The following COL5A2 variants were observed in gnomAD, a reference collection of about 807,000 sequenced individuals.
COL5A2 encodes the protein collagen type V alpha 2 chain, also known as collagen alpha-2(V) chain.
COL5A2 carries 23 observed loss-of-function variants against 208.2 expected under a neutral mutation model. That is an observed-to-expected ratio of 0.11 (90% confidence interval 0.08 to 0.16). The LOEUF is 0.16. COL5A2 is among the 10% of genes least tolerant of loss of function. The pLI is 1.00. For missense variants in COL5A2, 1,590 were observed against 1,956.4 expected (o/e 0.81, Z 3.53); for synonymous variants, 625 against 628.5 (o/e 0.99, Z 0.08).
At chr2:189,189,366 C>T (rs1425284544) in intron 1 of COL5A2, among the ~76,000 whole-genome samples, 1 of 152,232 alleles carries the variant, frequency 6.6e-6, no homozygotes, top group South Asian at 2.1e-4. Context: ...TATGTAAGTA[C>T]TTTAATAAAC....
chr2:189,099,986 A>G, intron 4 of COL5A2, 121 bp downstream of exon 4: 1 of 829,902 alleles, frequency 1.2e-6, no homozygotes, highest in Non-Finnish European at 2.0e-6. Context: ...TTATACTAAA[A>G]ACTTGTTTTT....
chr2:189,396,990 CAAAA>C, the COL5A2 span, among the ~76,000 whole-genome samples: 3 of 95,794 alleles, frequency 3.1e-5, no homozygotes, highest in Admixed American at 1.1e-4. Flanking sequence ...GACTCCGTCT[CAAAA>C]AAAAAAAAAA....
intron 1 of COL5A2, among the ~76,000 whole-genome samples, chr2:189,178,998 G>A (rs1238827691): frequency 6.6e-6 from 1 of 152,184 alleles, no homozygotes; most frequent in Non-Finnish European, 1.5e-5. Context: ...AATTGTTAAA[G>A]AGGAAAGAAT....
the COL5A2 span, among the ~76,000 whole-genome samples, chr2:189,414,950 T>G: frequency 6.6e-6 from 1 of 152,074 alleles, no homozygotes; most frequent in Admixed American, 6.6e-5. Context: ...ATATTAGAAT[T>G]AAATAATAGG....
chr2:189,126,900 T>C (rs1687617347), intron 1 of COL5A2, among the ~76,000 whole-genome samples: 1 of 152,046 alleles, frequency 6.6e-6, no homozygotes, highest in Non-Finnish European at 1.5e-5. Context: ...CCATTTCTTC[T>C]TTAGGTGCCA....
chr2:189,092,303 A>G lies in COL5A2; in HGVS notation c.567+7T>C, dbSNP rs755666206. On this transcript the variant is annotated splice_region_variant and intron_variant, in intron 7 of 53. Transcript: ENST00000374866. ...GTACGTGACATCAAACAATGCACACAACTCACCCTGCTCAAGCCATCGGGT... is the reference window on the plus strand; with the variant it reads ...GTACGTGACATCAAACAATGCACACGACTCACCCTGCTCAAGCCATCGGGT... 1.4e-5 allele frequency: 22 copies of G among 1,570,342 alleles called. 2 individuals carry two copies. The Middle Eastern group carries it at 2.7e-3, about 191-fold the overall frequency.
chr2:189,068,610 T>A (rs1686204655), intron 19 of COL5A2, among the ~76,000 whole-genome samples, 176 bp downstream of exon 19: 2 of 152,174 alleles, frequency 1.3e-5, no homozygotes, highest in South Asian at 2.1e-4. Flanking sequence ...GGGATGGATA[T>A]CTTAAATACC....
chr2:189,426,061 T>C, the COL5A2 span, among the ~76,000 whole-genome samples: 21,604 of 152,142 alleles, frequency 0.14, 1,960 homozygotes, highest in South Asian at 0.21. Flanking sequence ...TAAAGATACC[T>C]GATAATGTGG....
chr2:189,278,514 C>G, the COL5A2 span, among the ~76,000 whole-genome samples: 1 of 151,994 alleles, frequency 6.6e-6, no homozygotes, highest in Non-Finnish European at 1.5e-5. Context: ...ACCATGTTTT[C>G]AAATAGTTTT....
the COL5A2 span, among the ~76,000 whole-genome samples, chr2:189,271,971 C>T: frequency 6.6e-6 from 1 of 152,116 alleles, no homozygotes; most frequent in African/African-American, 2.4e-5. Flanking sequence ...TACCATCTTA[C>T]GTTAGTTAGA....
chr2:189,211,063 C>G (rs2105867834), intron 1 of COL5A2, among the ~76,000 whole-genome samples: 1 of 152,190 alleles, frequency 6.6e-6, no homozygotes, highest in South Asian at 2.1e-4. Context: ...AGACTTCAGG[C>G]AGTTATTTTT....
At chr2:189,360,970 CTGT>C in the COL5A2 span, among the ~76,000 whole-genome samples, 1 of 137,792 alleles carries the variant, frequency 7.3e-6, no homozygotes, top group South Asian at 2.4e-4. Context: ...TATGGCTGTT[CTGT>C]TTTTTTTTTT....
chr2:189,316,784 CAA>C, the COL5A2 span, among the ~76,000 whole-genome samples: 687 of 136,716 alleles, frequency 5.0e-3, 1 homozygote, highest in African/African-American at 6.2e-3. Context: ...CACTTAAAAG[CAA>C]AAAAAAAAAA....
chr2:189,431,111 G>A, the COL5A2 span, among the ~76,000 whole-genome samples: 1 of 152,156 alleles, frequency 6.6e-6, no homozygotes, highest in Non-Finnish European at 1.5e-5. Context: ...GTACCTATTA[G>A]AAGGAAAACT....
chr2:189,085,198 G>T lies in COL5A2; in HGVS notation c.760C>A (p.Arg254Ser). 1 of 1,611,136 alleles carries T rather than the reference G, an allele frequency of 6.2e-7. No homozygotes were observed. Among genetic ancestry groups the T allele is most frequent in the Non-Finnish European group, 8.5e-7 (1 of 1,178,380 alleles). The change falls in exon 11 of 54, where the codon CGT (arginine) becomes AGT (serine). Residue 254 changes from arginine (R) to serine (S), a missense_variant. Physicochemically the swap from Arg to Ser is moderately radical, Grantham distance 110. Transcript: ENST00000374866. Reference sequence around the variant, plus strand: ...TTACCAGGAGGGCCCTCTGGTCCACGTGAACCAATCGGACCCTAATAACAG... The same window carrying T: ...TTACCAGGAGGGCCCTCTGGTCCACTTGAACCAATCGGACCCTAATAACAG... ...DPGPMGPIGS[R>S]GPEGPPGKPG...
chr2:189,264,343 T>C, the COL5A2 span, among the ~76,000 whole-genome samples: 1 of 152,150 alleles, frequency 6.6e-6, no homozygotes, highest in Non-Finnish European at 1.5e-5. Flanking sequence ...CATAAATGTG[T>C]AACATCAAAT....
intron 24 of COL5A2, 136 bp downstream of exon 24, chr2:189,064,868 G>T: frequency 1.1e-6 from 1 of 907,616 alleles, no homozygotes; most frequent in Non-Finnish European, 1.8e-6. Context: ...AGAGGATTGG[G>T]GTTAGGCCTG....
At chr2:189,166,786 A>G (rs1258361586) in intron 1 of COL5A2, among the ~76,000 whole-genome samples, 1 of 152,214 alleles carries the variant, frequency 6.6e-6, no homozygotes, top group Non-Finnish European at 1.5e-5. Flanking sequence ...AAAAGATCTT[A>G]AAAGGCAAAT....
the COL5A2 span, among the ~76,000 whole-genome samples, chr2:189,288,033 C>A: frequency 1.3e-5 from 2 of 151,950 alleles, no homozygotes; most frequent in Middle Eastern, 6.8e-3. Flanking sequence ...GAGAATTCAA[C>A]AGATGACAAG....
Sources: gnomAD v4.1 joint callset for allele counts (sites outside exome capture counted in the v4.1 genomes callset) on GRCh38, gnomAD v4.1.1 for gene constraint, MANE v1.5 for transcripts, NCBI Gene and HGNC (gene_info 2026-07-23, HGNC 2026-07-21) for gene names.